The following COPZ1 variants were observed in gnomAD, a reference collection of about 807,000 sequenced individuals.
The protein encoded by COPZ1 is coatomer subunit zeta-1.
COPZ1 carries 4 observed loss-of-function variants against 31.7 expected under a neutral mutation model. The observed-to-expected ratio is 0.13, with a 90% CI of 0.06 to 0.29. The LOEUF (loss-of-function observed/expected upper bound fraction) is 0.29. Among genes scored for constraint, COPZ1 ranks in the 10% least tolerant of loss-of-function variants. COPZ1 has a pLI of 1.00. For missense variants in COPZ1, 156 were observed against 211.5 expected (o/e 0.74, Z 1.63); for synonymous variants, 74 against 79.0 (o/e 0.94, Z 0.33).
chr12:54,337,702 G>A (rs2137097538), intron 1 of COPZ1, among the ~76,000 whole-genome samples: 1 of 152,260 alleles, frequency 6.6e-6, no homozygotes, highest in African/African-American at 2.4e-5. Flanking sequence ...GCATTTAAGC[G>A]CCTGCCTAAA....
At chr12:54,340,414 C>A in intron 1 of COPZ1, 133 bp from the exon 2 acceptor site, 2 of 1,417,410 alleles carry the variant, frequency 1.4e-6, no homozygotes, top group South Asian at 1.6e-5. Context: ...CAAAATCTGA[C>A]CAAGTTGAGG....
intron 1 of COPZ1, among the ~76,000 whole-genome samples, chr12:54,331,861 A>T (rs1953761127): frequency 6.6e-6 from 1 of 152,154 alleles, no homozygotes; most frequent in Non-Finnish European, 1.5e-5. Flanking sequence ...CAAACTGAGA[A>T]GGCAGAATGT....
intron 1 of COPZ1, among the ~76,000 whole-genome samples, chr12:54,339,799 A>G (rs1390070499): frequency 6.6e-6 from 1 of 152,182 alleles, no homozygotes; most frequent in East Asian, 1.9e-4. Flanking sequence ...TCTAGGCCCC[A>G]GAGTGTTTCT....
At chr12:54,326,124 A>AATTATTATTATTATTATTATTATT (rs377508362) in intron 1 of COPZ1, among the ~76,000 whole-genome samples, 148 of 139,164 alleles carry the variant, frequency 1.1e-3, no homozygotes, top group East Asian at 2.4e-3. Flanking sequence ...CCTGGCCAGG[A>AATTATTATTATTATTATTATTATT]ATTATTATTA....
chr12:54,342,752 C>CA (rs1331692631), intron 3 of COPZ1: 1 of 173,826 alleles, frequency 5.8e-6, no homozygotes, highest in African/African-American at 2.4e-5. Context: ...CTCCTGCCAC[C>CA]ACCCAAAAAG....
In COPZ1 at chr12:54,342,235, G is replaced by C; in HGVS notation, c.117G>C (p.Lys39Asn). ...KYYDDTYPSV[K>N]EQKAFEKNIF... ...ATGACGACACCTACCCCAGTGTCAA[G>C]GAGCAAAAGGCCTTTGAGAAGAACA... Residue 39 changes from lysine (K) to asparagine (N), a missense_variant, in exon 3 of 9, where the codon AAG (lysine) becomes AAC (asparagine). Transcript: ENST00000262061. The C allele has an allele frequency of 6.2e-7, 1 of 1,614,028 alleles. No homozygotes were observed. Among genetic ancestry groups the C allele is most frequent in the Non-Finnish European group, 8.5e-7 (1 of 1,179,956 alleles).
chr12:54,350,570 G>T lies in COPZ1; in HGVS notation c.*47G>T. 1 of 1,482,698 alleles carries T rather than the reference G, an allele frequency of 6.7e-7. No homozygotes were observed. The highest frequency in any genetic ancestry group is 9.4e-7 in the Non-Finnish European group (1 of 1,060,216). 91.8% of individuals were successfully genotyped at this position (1,482,698 alleles called of 1,614,324 possible). ...TTCATCCTCTTCAAAAAATTTGCAT[G>T]TCTGCTGTGAATTTTCATCTAGTTC... On this transcript the variant is annotated 3_prime_UTR_variant, in exon 9 of 9. Transcript: ENST00000262061.
intron 1 of COPZ1, among the ~76,000 whole-genome samples, chr12:54,331,100 C>G (rs1831092508): frequency 6.6e-6 from 1 of 151,944 alleles, no homozygotes; most frequent in South Asian, 2.1e-4. Flanking sequence ...GGAAGTCCTT[C>G]CTGTTGTGTA....
chr12:54,350,592 G>C lies in COPZ1; in HGVS notation c.*69G>C. 8.1e-7 allele frequency: 1 copy of C among 1,231,692 alleles called. No homozygotes were observed. The highest frequency in any genetic ancestry group is 1.2e-5 in the South Asian group (1 of 83,278). The allele number at this position is 1,231,692 out of a possible 1,614,324, so 76.3% of individuals were successfully genotyped here. ...CATGTCTGCTGTGAATTTTCATCTA[G>C]TTCCCCAATCGATGCTCTCAGGGTC... On this transcript the variant is annotated 3_prime_UTR_variant, in exon 9 of 9. Transcript: ENST00000262061.
chr12:54,349,909 G>C, intron 8 of COPZ1: 2 of 599,024 alleles, frequency 3.3e-6, no homozygotes, highest in South Asian at 4.0e-5. Flanking sequence ...CTCCCTGCCT[G>C]CCTGATGCCT....
At position 54,343,333 on chromosome 12, in the gene COPZ1, C is replaced by G; in HGVS notation, c.261+17C>G. On this transcript the variant is annotated intron_variant, in intron 4 of 8. Coordinates refer to ENST00000262061, the MANE Select transcript of COPZ1 (RefSeq NM_016057.3). Reference sequence around the variant, plus strand: ...GAAAATGAGGTGAGAATCCCCACCCCTCTTTGCTATTTCTGATCCTACTTT... The same window carrying G: ...GAAAATGAGGTGAGAATCCCCACCCGTCTTTGCTATTTCTGATCCTACTTT... The G allele has an allele frequency of 3.1e-6, 5 of 1,591,678 alleles. No individual in the cohort carries two copies. The highest frequency in any genetic ancestry group is 4.3e-6 in the Non-Finnish European group (5 of 1,159,560).
At position 54,325,502 on chromosome 12, in the gene COPZ1, C is replaced by T. The variant is rs1592192597; in HGVS notation, c.18+321C>T. 8 of 267,670 alleles carry T rather than the reference C, an allele frequency of 3.0e-5. No individual in the cohort carries two copies. The East Asian group carries it at 3.5e-4, about 12-fold the overall frequency. The allele number at this position is 267,670 out of a possible 1,614,324, so 16.6% of individuals were successfully genotyped here. On this transcript the variant is annotated intron_variant, in intron 1 of 8. Coordinates refer to ENST00000262061, the MANE Select transcript of COPZ1 (RefSeq NM_016057.3). ...TATTTTTAGCATTGTGGATGATACC[C>T]TGATTTTAATTTACCAAACCACCAA...
chr12:54,334,364 T>C (rs567210791), intron 1 of COPZ1, among the ~76,000 whole-genome samples: 111 of 150,942 alleles, frequency 7.4e-4, no homozygotes, highest in Non-Finnish European at 1.3e-3. Flanking sequence ...GAGGCTGCAG[T>C]GAGCCAAGAT....
In COPZ1 at chr12:54,351,247, C is replaced by T. The variant is rs1006113092; in HGVS notation, c.*724C>T. 14 of 152,282 alleles carry T rather than the reference C, an allele frequency of 9.2e-5. No individual in the cohort carries two copies. The highest frequency in any genetic ancestry group is 3.1e-4 in the African/African-American group (13 of 41,416). 9.4% of individuals were successfully genotyped at this position (152,282 alleles called of 1,614,324 possible). On this transcript the variant is annotated 3_prime_UTR_variant, in exon 9 of 9. Coordinates refer to ENST00000262061, the MANE Select transcript of COPZ1 (RefSeq NM_016057.3). The stretch of plus-strand genomic sequence containing the variant: ...TTAGTTAGCTACCTTAACTGTCCAC[C>T]CTTACTACCTGTGGGATCGTTGCCT...
At chr12:54,326,961 C>G (rs1360410418) in intron 1 of COPZ1, among the ~76,000 whole-genome samples, 1 of 43,564 alleles carries the variant, frequency 2.3e-5, no homozygotes, top group African/African-American at 1.0e-4. Flanking sequence ...AACAAGTATT[C>G]TTTTTTTTTT....
intron 1 of COPZ1, among the ~76,000 whole-genome samples, chr12:54,329,608 G>A (rs1184939137): frequency 6.6e-6 from 1 of 151,998 alleles, no homozygotes; most frequent in Admixed American, 6.6e-5. Flanking sequence ...ATTCTGTATC[G>A]GTTTAGATCT....
chr12:54,349,704 G>C (rs373468663), intron 8 of COPZ1, 46 bp downstream of exon 8: 16 of 1,487,330 alleles, frequency 1.1e-5, no homozygotes, highest in African/African-American at 4.1e-5. Flanking sequence ...GGTCACTAAA[G>C]AGGCTAGAAC....
Position 54,325,173 on chromosome 12 carries a change from C to T in COPZ1, c.10C>T (p.Leu4=). 1 of 1,562,130 alleles carries T rather than the reference C, an allele frequency of 6.4e-7. No individual in the cohort carries two copies. The highest frequency in any genetic ancestry group is 1.9e-5 in the Admixed American group (1 of 52,288). The change falls in exon 1 of 9, where the codon CTG becomes TTG. Residue 4 remains leucine (L), a synonymous_variant. Transcript: ENST00000262061. ...CCAGCTGCGGGGCAAGATGGAGGCG[C>T]TGATTTTGGTAGGAGCTGGAGGGGC... MEA[L]ILEPSLYTVK...
chr12:54,331,535 C>T (rs1022077074), intron 1 of COPZ1, among the ~76,000 whole-genome samples: 1 of 152,036 alleles, frequency 6.6e-6, no homozygotes, highest in African/African-American at 2.4e-5. Flanking sequence ...CTGGATAGCT[C>T]GGTCAACTAA....
Sources: allele counts gnomAD v4.1 joint callset (sites outside exome capture counted in the v4.1 genomes callset), GRCh38; gene constraint gnomAD v4.1.1; transcripts MANE v1.5; gene names NCBI Gene and HGNC (gene_info 2026-07-23, HGNC 2026-07-21).